Variants in DIS3L observed in about 807,000 individuals in gnomAD.
DIS3L encodes the protein DIS3-like exonuclease 1.
DIS3L carries 100 observed loss-of-function variants against 120.3 expected under a neutral mutation model. That is an observed-to-expected ratio of 0.83 (90% CI 0.71 to 0.98). The LOEUF is 0.98. Ranked by LOEUF, DIS3L falls within the 50% of genes least tolerant of loss-of-function variation. The pLI, the probability that DIS3L is intolerant of heterozygous loss-of-function variation, is 0.00. For synonymous variants in DIS3L, 426 were observed against 470.6 expected, an observed-to-expected ratio of 0.91 and a Z score of 1.23; for missense variants, 1,196 against 1,314.2, an observed-to-expected ratio of 0.91 and a Z score of 1.39.
chr15:66,332,514 G>GTGTGTATA (rs1436427790), intron 15 of DIS3L, among the ~76,000 whole-genome samples: 88 of 74,748 alleles, frequency 1.2e-3, no homozygotes, highest in African/African-American at 3.0e-3. Context: ...GTGTGTGTGT[G>GTGTGTATA]TATATATATA....
intron 2 of DIS3L, among the ~76,000 whole-genome samples, chr15:66,298,322 GA>G (rs780726704): frequency 6.7e-6 from 1 of 149,812 alleles, no homozygotes; most frequent in Non-Finnish European, 1.5e-5. Flanking sequence ...GTTTCTAAAA[GA>G]AAAAAATCCT....
intron 12 of DIS3L, among the ~76,000 whole-genome samples, chr15:66,328,478 C>T (rs979198054): frequency 3.3e-5 from 5 of 152,046 alleles, no homozygotes; most frequent in African/African-American, 9.7e-5. Context: ...TCACTGAAGG[C>T]CAGGAGTTCA....
chr15:66,308,830 G>T lies in DIS3L; in HGVS notation c.544G>T (p.Val182Leu). ...QYGSETEGVF[V>L]ITFKNYLDNF... is the part of the protein sequence containing the mutation. ...TGGAAGTGAAACAGAAGGAGTATTC[G>T]TGATTACTTTCAAGGTATTTCCAGA... Residue 182 changes from valine (V) to leucine (L), a missense_variant, in exon 4 of 17, where the codon GTG becomes TTG. Physicochemically the swap from Val to Leu is conservative, Grantham distance 32 (BLOSUM62 1). Transcript: ENST00000319212. 6.2e-7 allele frequency: 1 copy of T among 1,612,822 alleles called. No homozygotes were observed. Among genetic ancestry groups the T allele is most frequent in the Non-Finnish European group, 8.5e-7 (1 of 1,179,280 alleles).
In DIS3L at chr15:66,326,355, T is replaced by C. The variant is rs538698247; in HGVS notation, c.2192T>C (p.Ile731Thr). The stretch of plus-strand genomic sequence containing the variant: ...TGTGCTAAAGCCAAAGGCTTCTTCA[T>C]AGATACACGGTATTCCTCTTTTGAG... ...RECAKAKGFF[I>T]DTRSNKTLAD... Residue 731 changes from isoleucine (I) to threonine (T), a missense_variant, in exon 12 of 17, where the codon ATA (isoleucine) becomes ACA (threonine). Coordinates refer to ENST00000319212, the MANE Select transcript of DIS3L (RefSeq NM_001143688.3). 2.4e-5 allele frequency: 38 copies of C among 1,613,936 alleles called. No individual in the cohort carries two copies. The highest frequency in any genetic ancestry group is 6.6e-5 in the South Asian group (6 of 91,058).
Position 66,332,883 on chromosome 15 carries a change from T to TA in DIS3L, c.2830dup (p.Thr944AsnfsTer6), listed in dbSNP as rs779538057. The TA allele has an allele frequency of 7.4e-6, 12 of 1,612,656 alleles. No individual in the cohort carries two copies. Among genetic ancestry groups the TA allele is most frequent in the Non-Finnish European group, 1.0e-5 (12 of 1,179,404 alleles). On this transcript the variant is annotated frameshift_variant, in exon 16 of 17. Coordinates refer to ENST00000319212, the MANE Select transcript of DIS3L (RefSeq NM_001143688.3). LOFTEE classifies it high-confidence loss of function. ...CTACTACAACAGATGGGGAATCTGTTACGTTCCATTTGTTTGACCATGTAA... is the reference window on the plus strand; with the variant it reads ...CTACTACAACAGATGGGGAATCTGTTAACGTTCCATTTGTTTGACCATGTAA...
chr15:66,320,543 C>T, intron 8 of DIS3L, 28 bp from the exon 9 acceptor site: 1 of 1,599,006 alleles, frequency 6.3e-7, no homozygotes, highest in Non-Finnish European at 8.5e-7. Flanking sequence ...TGGTGCTCAG[C>T]TGTGTTTTAT....
Position 66,323,519 on chromosome 15 carries a change from G to C in DIS3L, c.1601G>C (p.Arg534Pro). The change falls in exon 11 of 17, where the codon CGT becomes CCT. Residue 534 changes from arginine (R) to proline (P), a missense_variant. Coordinates refer to ENST00000319212, the MANE Select transcript of DIS3L (RefSeq NM_001143688.3). ...TRATTYYLAD[R>P]RYDMLPSVLS... ...GCCACCACTTATTATCTAGCAGATC[G>C]TCGCTATGACATGCTGCCTTCCGTC... 1 of 1,614,244 alleles carries C rather than the reference G, an allele frequency of 6.2e-7. No homozygotes were observed. Among genetic ancestry groups the C allele is most frequent in the Non-Finnish European group, 8.5e-7 (1 of 1,180,030 alleles).
At position 66,318,466 on chromosome 15, in the gene DIS3L, C is replaced by T; in HGVS notation, c.1012C>T (p.Leu338Phe). Residue 338 changes from leucine to phenylalanine, a missense_variant, in exon 8 of 17, where the codon CTT becomes TTT. Transcript: ENST00000319212. ...TGCCAAAGGTCGAGTGGTGGGCATA[C>T]TTCAGAAGAACTGGCGGGATTATGT... is the stretch of plus-strand genomic sequence containing the variant. ...PMPTGRVVGI[L>F]QKNWRDYVVT... 1 of 1,613,898 alleles carries T rather than the reference C, an allele frequency of 6.2e-7. No individual in the cohort carries two copies. Among genetic ancestry groups the T allele is most frequent in the Non-Finnish European group, 8.5e-7 (1 of 1,179,924 alleles).
intron 10 of DIS3L, 30 bp downstream of exon 10, chr15:66,322,964 TG>T: frequency 6.2e-7 from 1 of 1,610,482 alleles, no homozygotes. Flanking sequence ...GCTCTATGGT[TG>T]TGTGTATGTG....
chr15:66,307,083 C>A, intron 3 of DIS3L, 131 bp downstream of exon 3: 1 of 1,150,638 alleles, frequency 8.7e-7, no homozygotes, highest in East Asian at 2.5e-5. Context: ...TGATTAACAC[C>A]GAAATGCTTA....
At chr15:66,307,080 C>T (rs896943682) in intron 3 of DIS3L, 128 bp downstream of exon 3, 13 of 1,169,388 alleles carry the variant, frequency 1.1e-5, no homozygotes, top group Admixed American at 7.6e-5. Context: ...CCATGATTAA[C>T]ACCGAAATGC....
rs2140403322 is a variant in DIS3L at position 66,326,238 on chromosome 15, T to A, written c.2075T>A (p.Val692Asp). 3 of 1,614,160 alleles carry A rather than the reference T, an allele frequency of 1.9e-6. No individual in the cohort carries two copies. The East Asian group carries it at 6.7e-5, about 36-fold the overall frequency. ...AECMILANHW[V>D]AKKIWESFPH... ...TGCATGATCCTGGCCAACCACTGGGTCGCCAAAAAGATCTGGGAGAGCTTC... is the reference window on the plus strand; with the variant it reads ...TGCATGATCCTGGCCAACCACTGGGACGCCAAAAAGATCTGGGAGAGCTTC... The change falls in exon 12 of 17, where the codon GTC becomes GAC. Residue 692 changes from valine to aspartate, a missense_variant. Val to Asp is a radical substitution (Grantham distance 152). Transcript: ENST00000319212.
intron 5 of DIS3L, 51 bp downstream of exon 5, chr15:66,311,951 C>T (rs1365537847): frequency 3.8e-6 from 6 of 1,596,446 alleles, no homozygotes; most frequent in Non-Finnish European, 5.1e-6. Context: ...TGGCTCATGC[C>T]TGTAATCCCA....
At chr15:66,313,975 T>C in intron 5 of DIS3L, 64 bp from the exon 6 acceptor site, 8 of 1,413,708 alleles carry the variant, frequency 5.7e-6, no homozygotes, top group African/African-American at 1.5e-5. Flanking sequence ...AAACTGGACC[T>C]TTTGGAGATA....
At chr15:66,313,980 G>A in intron 5 of DIS3L, 59 bp from the exon 6 acceptor site, 1 of 1,436,704 alleles carries the variant, frequency 7.0e-7, no homozygotes, top group Admixed American at 2.6e-5. Context: ...GGACCTTTTG[G>A]AGATAAACCA....
At chr15:66,307,721 G>C (rs2092716004) in intron 3 of DIS3L, among the ~76,000 whole-genome samples, 1 of 152,230 alleles carries the variant, frequency 6.6e-6, no homozygotes, top group South Asian at 2.1e-4. Context: ...GTGAGTCCTT[G>C]AGTGTGGAGT....
At chr15:66,332,456 CAAAA>C (rs369684200) in intron 15 of DIS3L, among the ~76,000 whole-genome samples, 1 of 78,438 alleles carries the variant, frequency 1.3e-5, no homozygotes. Flanking sequence ...GACTCTGTCT[CAAAA>C]AAAAAAAAAA....
intron 7 of DIS3L, among the ~76,000 whole-genome samples, chr15:66,317,179 A>G (rs1300123248): frequency 1.3e-5 from 2 of 149,590 alleles, no homozygotes; most frequent in Non-Finnish European, 3.0e-5. Flanking sequence ...CAACTGTCAC[A>G]ACTTCACATT....
chr15:66,313,781 G>A lies in DIS3L; in HGVS notation c.736-258G>A, dbSNP rs531269582. Among the ~76,000 whole-genome samples the A allele has an allele frequency of 2.8e-3, 418 of 150,334 alleles. 4 individuals are homozygous for A. Among genetic ancestry groups the A allele is most frequent in the African/African-American group, 0.01 (409 of 40,808 alleles). ...TGTGTGTGTGTGTGTATATATATAT[G>A]TGTGTGTGTATATATATATGTGTGT... On this transcript the variant is annotated intron_variant, in intron 5 of 16. Transcript: ENST00000319212.
Sources: gnomAD v4.1 joint callset for allele counts (sites outside exome capture counted in the v4.1 genomes callset) on GRCh38, gnomAD v4.1.1 for gene constraint, MANE v1.5 for transcripts, NCBI Gene and HGNC (gene_info 2026-07-23, HGNC 2026-07-21) for gene names.